Variants in SLC16A14 observed in about 807,000 individuals in gnomAD.
SLC16A14 encodes solute carrier family 16 member 14.
Under a neutral mutation model 35.8 loss-of-function variants are expected in SLC16A14, and 14 were observed. The observed-to-expected ratio is 0.39, with a 90% confidence interval of 0.26 to 0.61. The LOEUF is 0.61. SLC16A14 is among the 20% of genes least tolerant of loss of function. The pLI, the probability that SLC16A14 is intolerant of heterozygous loss-of-function variation, is 0.51. For synonymous variants in SLC16A14, 248 were observed against 258.9 expected (o/e 0.96, Z 0.40); for missense variants, 533 against 655.0 (o/e 0.81, Z 2.03).
chr2:230,049,648 G>T, intron 3 of SLC16A14, 113 bp downstream of exon 3: 1 of 1,131,400 alleles, frequency 8.8e-7, no homozygotes, highest in Non-Finnish European at 1.3e-6. Flanking sequence ...GAAGTGGGGG[G>T]GAGGAAACAG....
rs769361932 is a variant in SLC16A14, at chr2:230,037,467, C to T, written c.1446G>A (p.Met482Ile). The part of the protein sequence containing the change: ...FSFYICGLLY[M>I]IGILFLLIQP... The stretch of plus-strand genomic sequence containing the variant: ...GAATAAGTAAAAAGAGTATTCCTAT[C>T]ATGTAAAGCAAACCACATATGTAGA... The change falls in exon 5 of 5, where the codon ATG becomes ATA. Residue 482 changes from methionine to isoleucine, a missense_variant. Coordinates refer to ENST00000295190, the MANE Select transcript of SLC16A14 (RefSeq NM_152527.5). The T allele has an allele frequency of 2.4e-5, 39 of 1,612,622 alleles. No homozygotes were observed. In the Admixed American group the frequency reaches 6.4e-4, roughly 26 times the overall value.
intron 1 of SLC16A14, among the ~76,000 whole-genome samples, chr2:230,064,791 A>T (rs541025856): frequency 4.6e-5 from 7 of 152,216 alleles, no homozygotes; most frequent in Non-Finnish European, 1.0e-4. Context: ...TAGGCGGATC[A>T]CCTGAGGTCG....
At chr2:230,067,705 A>T (rs2077813177) in intron 1 of SLC16A14, among the ~76,000 whole-genome samples, 1 of 152,196 alleles carries the variant, frequency 6.6e-6, no homozygotes, top group Non-Finnish European at 1.5e-5. Context: ...ACTTTTCCTC[A>T]GAAAGAAAAT....
chr2:230,056,879 T>TAAAAAAA (rs60620443), intron 2 of SLC16A14, among the ~76,000 whole-genome samples: 26 of 95,542 alleles, frequency 2.7e-4, no homozygotes, highest in Non-Finnish European at 3.9e-4. Context: ...CTACAAAAAG[T>TAAAAAAA]AAAAAAAAAA....
intron 4 of SLC16A14, among the ~76,000 whole-genome samples, chr2:230,042,851 C>T (rs2077571655): frequency 6.6e-6 from 1 of 152,156 alleles, no homozygotes; most frequent in Non-Finnish European, 1.5e-5. Context: ...AGCCTTTCCC[C>T]ACTTCCTTCT....
At chr2:230,058,643 T>A (rs1376979607) in intron 2 of SLC16A14, among the ~76,000 whole-genome samples, 1 of 152,232 alleles carries the variant, frequency 6.6e-6, no homozygotes, top group African/African-American at 2.4e-5. Flanking sequence ...AAATTATTTT[T>A]TTTTTTTGAA....
At chr2:230,045,175 C>T (rs1239956415) in intron 4 of SLC16A14, among the ~76,000 whole-genome samples, 2 of 152,216 alleles carry the variant, frequency 1.3e-5, no homozygotes, top group African/African-American at 4.8e-5. Context: ...TCACCCCATC[C>T]ACTTTATTTC....
intron 1 of SLC16A14, among the ~76,000 whole-genome samples, chr2:230,059,871 C>T (rs2077737377): frequency 6.6e-6 from 1 of 152,182 alleles, no homozygotes; most frequent in Admixed American, 6.5e-5. Context: ...TTAATTTGTT[C>T]AGTGCAGCCA....
At chr2:230,051,355 T>C (rs1322999454) in intron 2 of SLC16A14, among the ~76,000 whole-genome samples, 1 of 152,178 alleles carries the variant, frequency 6.6e-6, no homozygotes, top group East Asian at 1.9e-4. Context: ...GAGATAGGGT[T>C]TCGCCGTGTT....
chr2:230,048,943 A>AAG (rs1553819304), intron 3 of SLC16A14, among the ~76,000 whole-genome samples: 6,993 of 107,252 alleles, frequency 0.065, 1,990 homozygotes, highest in African/African-American at 0.23. Context: ...AAAAAAAAAA[A>AAG]AACAAATGAT....
At chr2:230,042,717 T>C (rs2077570822) in intron 4 of SLC16A14, among the ~76,000 whole-genome samples, 1 of 152,216 alleles carries the variant, frequency 6.6e-6, no homozygotes, top group African/African-American at 2.4e-5. Context: ...TCTTTTCTCC[T>C]TTCCTTCCTC....
intron 4 of SLC16A14, among the ~76,000 whole-genome samples, chr2:230,039,011 C>T (rs529842412): frequency 6.6e-6 from 1 of 152,114 alleles, no homozygotes; most frequent in East Asian, 1.9e-4. Flanking sequence ...CAAATGAATG[C>T]GTAAATGCAC....
chr2:230,045,190 C>T (rs1282793990), intron 4 of SLC16A14, among the ~76,000 whole-genome samples: 1 of 152,252 alleles, frequency 6.6e-6, no homozygotes, highest in African/African-American at 2.4e-5. Flanking sequence ...TATTTCCTCA[C>T]TCTACCAGCC....
intron 2 of SLC16A14, among the ~76,000 whole-genome samples, chr2:230,050,633 G>A (rs2077652766): frequency 6.6e-6 from 1 of 152,086 alleles, no homozygotes; most frequent in Admixed American, 6.6e-5. Context: ...AGCAACTTGG[G>A]GATTTATATG....
intron 4 of SLC16A14, among the ~76,000 whole-genome samples, chr2:230,043,576 G>A (rs1321490399): frequency 6.6e-6 from 1 of 152,236 alleles, no homozygotes; most frequent in Non-Finnish European, 1.5e-5. Flanking sequence ...GGTGGCTGGG[G>A]AGAGGGGACA....
chr2:230,052,036 G>A (rs908108920), intron 2 of SLC16A14, among the ~76,000 whole-genome samples: 16 of 151,000 alleles, frequency 1.1e-4, no homozygotes, highest in Non-Finnish European at 1.8e-4. Context: ...TCCCGGGTTC[G>A]CGCCATTCTC....
intron 2 of SLC16A14, among the ~76,000 whole-genome samples, chr2:230,051,386 T>C (rs1348281193): frequency 6.6e-6 from 1 of 152,168 alleles, no homozygotes; most frequent in East Asian, 1.9e-4. Context: ...GTCTAGAATT[T>C]CTAGGCTCAA....
At chr2:230,041,100 G>T (rs1290364184) in intron 4 of SLC16A14, among the ~76,000 whole-genome samples, 1 of 152,100 alleles carries the variant, frequency 6.6e-6, no homozygotes, top group Non-Finnish European at 1.5e-5. Context: ...CTGTTAAAGT[G>T]CATTTTCTTT....
In SLC16A14 at chr2:230,046,195, A is replaced by G. The variant is rs2077604918; in HGVS notation, c.931T>C (p.Phe311Leu). ...YSGYFGTASL[F>L]TNRMFVAFIF... ...AAGGCTACAAACATTCGATTTGTAA[A>G]TAGAGAGGCTGTCCCAAAGTAGCCC... is the stretch of plus-strand genomic sequence containing the variant. Residue 311 changes from phenylalanine to leucine, a missense_variant, in exon 4 of 5, where the codon TTT becomes CTT. Physicochemically the swap from Phe to Leu is conservative, Grantham distance 22 (BLOSUM62 0). Coordinates refer to ENST00000295190, the MANE Select transcript of SLC16A14 (RefSeq NM_152527.5). The surrounding 1 kb of genome is among the most constrained non-coding windows in gnomAD (Gnocchi z 5.0). The G allele has an allele frequency of 1.9e-6, 3 of 1,614,098 alleles. No individual in the cohort carries two copies. The South Asian group carries it at 3.3e-5, about 18-fold the overall frequency.
Sources: allele counts gnomAD v4.1 joint callset (sites outside exome capture counted in the v4.1 genomes callset), GRCh38; gene constraint gnomAD v4.1.1; non-coding constraint Gnocchi (gnomAD v3.1); transcripts MANE v1.5; gene names NCBI Gene and HGNC (gene_info 2026-07-23, HGNC 2026-07-21).